Variants in MACROD2 observed in about 807,000 individuals in gnomAD.
MACROD2 encodes the protein ADP-ribose glycohydrolase MACROD2.
In MACROD2, 36 loss-of-function variants were observed where a neutral mutation model predicts 70.4. The ratio of observed to expected loss-of-function variants is 0.51; its 90% confidence interval spans 0.39 to 0.68. The LOEUF is 0.68. Ranked by LOEUF, MACROD2 falls within the 30% of genes least tolerant of loss-of-function variation. The pLI, the probability that MACROD2 is intolerant of heterozygous loss-of-function variation, is 0.00. For synonymous variants in MACROD2, 172 were observed against 178.8 expected (o/e 0.96, Z 0.30); for missense variants, 496 against 538.4 (o/e 0.92, Z 0.78).
intron 2 of MACROD2, among the ~76,000 whole-genome samples, chr20:14,081,167 C>T (rs2053989504): frequency 6.6e-6 from 1 of 152,208 alleles, no homozygotes; most frequent in Admixed American, 6.5e-5. Flanking sequence ...GCTCATCCCC[C>T]ACCAGGCAAT....
chr20:14,475,234 A>G (rs910466893), intron 3 of MACROD2, among the ~76,000 whole-genome samples: 7 of 152,150 alleles, frequency 4.6e-5, no homozygotes, highest in African/African-American at 1.2e-4. Context: ...GAATCACACA[A>G]AAAACCCCAG....
intron 6 of MACROD2, among the ~76,000 whole-genome samples, chr20:15,400,070 T>TTGAA (rs1428102380): frequency 3.8e-4 from 58 of 152,296 alleles, no homozygotes; most frequent in Admixed American, 1.1e-3. Context: ...ATAAAAGAAG[T>TTGAA]CAGGAAGTTG....
chr20:14,871,667 G>A (rs1266792158), intron 5 of MACROD2, among the ~76,000 whole-genome samples: 2 of 152,030 alleles, frequency 1.3e-5, no homozygotes, highest in Non-Finnish European at 2.9e-5. Context: ...ATATATACAT[G>A]TGAATACTAA....
intron 5 of MACROD2, among the ~76,000 whole-genome samples, chr20:14,765,993 C>T (rs889919638): frequency 5.9e-5 from 9 of 152,104 alleles, no homozygotes; most frequent in African/African-American, 1.9e-4. Flanking sequence ...ATCCACATTA[C>T]ATTGCCTTCC....
intron 15 of MACROD2, among the ~76,000 whole-genome samples, chr20:15,987,366 A>G (rs910686634): frequency 2.0e-5 from 3 of 152,232 alleles, no homozygotes; most frequent in African/African-American, 2.4e-5. Context: ...GCAATTACAT[A>G]TAGCATAAAG....
At chr20:15,045,093 T>C (rs1010483278) in intron 5 of MACROD2, among the ~76,000 whole-genome samples, 6 of 151,992 alleles carry the variant, frequency 3.9e-5, no homozygotes, top group African/African-American at 1.2e-4. Context: ...AGTGCACCAG[T>C]TTCTAAGAGA....
At chr20:15,314,557 G>C (rs1166370967) in intron 6 of MACROD2, among the ~76,000 whole-genome samples, 1 of 152,202 alleles carries the variant, frequency 6.6e-6, no homozygotes, top group Non-Finnish European at 1.5e-5. Flanking sequence ...CCGTGTCCCT[G>C]ATTTTGTAGG....
intron 3 of MACROD2, among the ~76,000 whole-genome samples, chr20:14,466,179 C>T (rs1417765676): frequency 1.3e-5 from 2 of 152,066 alleles, no homozygotes; most frequent in Non-Finnish European, 2.9e-5. Context: ...ACAAATTGGA[C>T]GTAGATTTGG....
At chr20:15,543,817 A>G (rs1158670849) in intron 8 of MACROD2, among the ~76,000 whole-genome samples, 1 of 152,168 alleles carries the variant, frequency 6.6e-6, no homozygotes, top group African/African-American at 2.4e-5. Context: ...CAGGCCAACT[A>G]TATTTGTTTC....
At chr20:14,272,445 G>T (rs1408109518) in intron 3 of MACROD2, among the ~76,000 whole-genome samples, 2 of 151,852 alleles carry the variant, frequency 1.3e-5, no homozygotes, top group African/African-American at 4.8e-5. Context: ...AGCAAATGCT[G>T]AGAGATTTTG....
chr20:14,927,574 C>T (rs1379273874), intron 5 of MACROD2, among the ~76,000 whole-genome samples: 1 of 152,216 alleles, frequency 6.6e-6, no homozygotes, highest in African/African-American at 2.4e-5. Flanking sequence ...TCAACATTCA[C>T]ACATTTGGGT....
At chr20:14,330,132 G>T (rs1030506136) in intron 3 of MACROD2, among the ~76,000 whole-genome samples, 1 of 152,000 alleles carries the variant, frequency 6.6e-6, no homozygotes. Context: ...ACCAGGTGGG[G>T]CATTTCTCTC....
chr20:15,563,450 C>G (rs2048271363), intron 8 of MACROD2, among the ~76,000 whole-genome samples: 1 of 152,168 alleles, frequency 6.6e-6, no homozygotes, highest in Non-Finnish European at 1.5e-5. Context: ...CTAAACATCT[C>G]TACTCTTCAT....
At chr20:15,063,272 A>G (rs2075547621) in intron 5 of MACROD2, among the ~76,000 whole-genome samples, 1 of 152,232 alleles carries the variant, frequency 6.6e-6, no homozygotes, top group Non-Finnish European at 1.5e-5. Flanking sequence ...CTGTCAAGAA[A>G]AAACAAATTA....
intron 10 of MACROD2, among the ~76,000 whole-genome samples, chr20:15,890,478 C>T (rs1347723763): frequency 6.6e-6 from 1 of 152,148 alleles, no homozygotes; most frequent in East Asian, 1.9e-4. Context: ...CCTTTGAGCC[C>T]AGTATTTGCA....
At chr20:15,428,050 C>T (rs2046321690) in intron 6 of MACROD2, among the ~76,000 whole-genome samples, 2 of 152,186 alleles carry the variant, frequency 1.3e-5, no homozygotes, top group Admixed American at 1.3e-4. Context: ...GGAAGCCTTG[C>T]TCTGGAGCAA....
chr20:15,987,178 A>T lies in MACROD2; in HGVS notation c.1153+20A>T. 6.4e-7 allele frequency: 1 copy of T among 1,571,154 alleles called. No individual in the cohort carries two copies. The highest frequency in any genetic ancestry group is 8.7e-7 in the Non-Finnish European group (1 of 1,149,918). Reference sequence around the variant, plus strand: ...AAAAAGGTAGGACTGCTCTTAAATTAACCCATCAAGAATGGAGAGTTTCTT... The same window carrying T: ...AAAAAGGTAGGACTGCTCTTAAATTTACCCATCAAGAATGGAGAGTTTCTT... On this transcript the variant is annotated intron_variant, in intron 15 of 17. Coordinates refer to ENST00000684519, the MANE Select transcript of MACROD2 (RefSeq NM_001351661.2).
chr20:16,008,993 G>C (rs554937958), intron 15 of MACROD2, among the ~76,000 whole-genome samples: 2 of 152,316 alleles, frequency 1.3e-5, no homozygotes, highest in African/African-American at 4.8e-5. Context: ...TTGATCAAAA[G>C]AGACCTCATT....
At chr20:15,686,671 G>C (rs939122565) in intron 8 of MACROD2, among the ~76,000 whole-genome samples, 6 of 151,976 alleles carry the variant, frequency 3.9e-5, no homozygotes, top group African/African-American at 1.5e-4. Context: ...CCAGGAGTTC[G>C]AGACCAGCCT....
Sources: gnomAD v4.1 joint callset for allele counts (sites outside exome capture counted in the v4.1 genomes callset) on GRCh38, gnomAD v4.1.1 for gene constraint, MANE v1.5 for transcripts, NCBI Gene and HGNC (gene_info 2026-07-23, HGNC 2026-07-21) for gene names.